KLF12: variants seen among roughly 807,000 people sequenced by gnomAD.
KLF12 encodes KLF transcription factor 12.
Under a neutral mutation model 37.8 loss-of-function variants are expected in KLF12, and 9 were observed. That is an observed-to-expected ratio of 0.24 (90% CI 0.14 to 0.42). The LOEUF is 0.42. Among genes scored for constraint, KLF12 ranks in the 10% least tolerant of loss-of-function variants. The pLI is 1.00. For synonymous variants in KLF12, 208 were observed against 202.1 expected, an observed-to-expected ratio of 1.03 and a Z score of -0.25; for missense variants, 411 against 516.0, an observed-to-expected ratio of 0.80 and a Z score of 1.97.
intron 1 of KLF12, among the ~76,000 whole-genome samples, chr13:74,102,870 T>C (rs1020811969): frequency 1.3e-5 from 2 of 152,146 alleles, no homozygotes; most frequent in African/African-American, 2.4e-5. Flanking sequence ...ATTGCATGAG[T>C]TCACCACCAT....
chr13:73,917,082 C>T (rs760721988), intron 3 of KLF12, among the ~76,000 whole-genome samples: 20 of 152,154 alleles, frequency 1.3e-4, no homozygotes, highest in South Asian at 6.2e-4. Context: ...CAAATTTGGA[C>T]GAGCATCACC....
the KLF12 span, among the ~76,000 whole-genome samples, chr13:74,290,802 T>C: frequency 1.3e-5 from 2 of 152,212 alleles, no homozygotes; most frequent in African/African-American, 4.8e-5. Context: ...AAGACAAATA[T>C]AAAAACCTTT....
the KLF12 span, among the ~76,000 whole-genome samples, chr13:74,205,451 G>A: frequency 2.0e-5 from 3 of 152,200 alleles, no homozygotes; most frequent in Non-Finnish European, 2.9e-5. Flanking sequence ...GCTCCTCTTG[G>A]CACATAGAAA....
At chr13:73,823,727 TGAGA>T (rs148958106) in intron 4 of KLF12, among the ~76,000 whole-genome samples, 1 of 151,788 alleles carries the variant, frequency 6.6e-6, no homozygotes, top group Non-Finnish European at 1.5e-5. Flanking sequence ...TTCTTTTTTT[TGAGA>T]GAGAGTTTCG....
chr13:73,907,053 C>T (rs1888335937), intron 3 of KLF12, among the ~76,000 whole-genome samples: 1 of 152,162 alleles, frequency 6.6e-6, no homozygotes, highest in Admixed American at 6.5e-5. Context: ...CACATTTCTT[C>T]TAAGAGATTT....
chr13:74,235,297 A>C, the KLF12 span, among the ~76,000 whole-genome samples: 1 of 152,238 alleles, frequency 6.6e-6, no homozygotes, highest in Admixed American at 6.5e-5. Flanking sequence ...GAAACCAGAA[A>C]ACATGGTTTA....
intron 1 of KLF12, among the ~76,000 whole-genome samples, chr13:74,031,808 A>G (rs77321338): frequency 1.3e-5 from 2 of 151,958 alleles, no homozygotes; most frequent in South Asian, 4.1e-4. Flanking sequence ...CTGAAAAAAA[A>G]TGTGCTTCTC....
At chr13:73,773,621 CCT>C (rs1301700912) in intron 5 of KLF12, among the ~76,000 whole-genome samples, 5 of 152,110 alleles carry the variant, frequency 3.3e-5, no homozygotes, top group African/African-American at 1.2e-4. Context: ...TTAACCCATT[CCT>C]CTTTTTTAAG....
At chr13:74,155,407 GC>G in the KLF12 span, among the ~76,000 whole-genome samples, 1 of 151,172 alleles carries the variant, frequency 6.6e-6, no homozygotes, top group Non-Finnish European at 1.5e-5. Context: ...TGTTGCCCAG[GC>G]CACTGTGCAA....
At chr13:74,180,114 C>T in the KLF12 span, among the ~76,000 whole-genome samples, 3,642 of 152,220 alleles carry the variant, frequency 0.024, 147 homozygotes, top group African/African-American at 0.08. Context: ...ATTAATTGGG[C>T]TGTGGAGCTA....
intron 3 of KLF12, among the ~76,000 whole-genome samples, chr13:73,928,088 C>T (rs1233207730): frequency 2.6e-5 from 4 of 152,108 alleles, no homozygotes; most frequent in Non-Finnish European, 4.4e-5. Context: ...TATCTCTTGA[C>T]CTCATGATCT....
At chr13:73,912,541 T>A (rs1888620091) in intron 3 of KLF12, among the ~76,000 whole-genome samples, 11 of 151,780 alleles carry the variant, frequency 7.2e-5, no homozygotes, top group Admixed American at 7.2e-4. Flanking sequence ...GAGTGACACA[T>A]CTACAAACTA....
intron 1 of KLF12, among the ~76,000 whole-genome samples, chr13:74,003,714 A>C (rs953127759): frequency 1.6e-4 from 25 of 152,236 alleles, no homozygotes; most frequent in Admixed American, 6.5e-4. Context: ...ATATGAATCA[A>C]TGAAAATATG....
At chr13:73,804,746 C>T (rs926647249) in intron 5 of KLF12, among the ~76,000 whole-genome samples, 6 of 152,176 alleles carry the variant, frequency 3.9e-5, no homozygotes, top group Admixed American at 6.5e-5. Context: ...AGCAGCACCA[C>T]AACAGGCATG....
At chr13:74,123,288 C>A (rs573762153) in intron 1 of KLF12, among the ~76,000 whole-genome samples, 1 of 152,280 alleles carries the variant, frequency 6.6e-6, no homozygotes, top group South Asian at 2.1e-4. Flanking sequence ...TACGAAACTA[C>A]ATACCTAAAT....
intron 3 of KLF12, among the ~76,000 whole-genome samples, 155 bp downstream of exon 3, chr13:73,943,826 T>C (rs1433594261): frequency 1.3e-5 from 2 of 152,216 alleles, no homozygotes; most frequent in African/African-American, 4.8e-5. Context: ...TGGGTACAGA[T>C]CAACCACAAT....
At chr13:74,216,463 G>A in the KLF12 span, among the ~76,000 whole-genome samples, 33 of 152,210 alleles carry the variant, frequency 2.2e-4, no homozygotes, top group East Asian at 4.1e-3. Context: ...TGATGAGGAC[G>A]GCATCCCTGA....
At chr13:73,780,611 G>A (rs1458201185) in intron 5 of KLF12, among the ~76,000 whole-genome samples, 1 of 152,008 alleles carries the variant, frequency 6.6e-6, no homozygotes, top group Non-Finnish European at 1.5e-5. Context: ...TCTGGCATGT[G>A]CCACCACGCC....
chr13:73,770,822 C>T (rs1053945052), intron 5 of KLF12, among the ~76,000 whole-genome samples: 1 of 152,076 alleles, frequency 6.6e-6, no homozygotes, highest in Non-Finnish European at 1.5e-5. Flanking sequence ...CATGCCCAGC[C>T]AATATGTGAA....
Sources: gnomAD v4.1 joint callset for allele counts (sites outside exome capture counted in the v4.1 genomes callset) on GRCh38, gnomAD v4.1.1 for gene constraint, MANE v1.5 for transcripts, NCBI Gene and HGNC (gene_info 2026-07-23, HGNC 2026-07-21) for gene names.